Variants in VENTX observed in about 807,000 individuals in gnomAD.
VENTX encodes VENT homeobox.
VENTX carries 13 observed loss-of-function variants against 10.5 expected under a neutral mutation model. The observed-to-expected ratio is 1.23, with a 90% CI of 0.80 to 1.96. The LOEUF (loss-of-function observed/expected upper bound fraction) is 1.96, where lower values mean the gene tolerates loss of function less well. Ranked by LOEUF, VENTX falls within the 30% of genes most tolerant of loss-of-function variation. The pLI, the probability that VENTX is intolerant of heterozygous loss-of-function variation, is 0.00. For synonymous variants in VENTX, 177 were observed against 150.4 expected (o/e 1.18, Z -1.29); for missense variants, 400 against 341.8 (o/e 1.17, Z -1.34).
rs748097323 is a variant in VENTX at position 133,238,061 on chromosome 10, C to T, written c.147C>T (p.Gly49=). 3.8e-5 allele frequency: 60 copies of T among 1,597,646 alleles called. No homozygotes were observed. The East Asian group carries it at 1.3e-3, about 35-fold the overall frequency. The part of the protein sequence containing the change: ...DFSLGSLPGP[G]QTSGAREPPQ... ...CCCTGGGGAGCCTCCCTGGCCCAGG[C>T]CAGACATCCGGCGCCCGGGAGCCCC... Residue 49 remains glycine (G), a synonymous_variant, in exon 1 of 3, where the codon GGC becomes GGT. Coordinates refer to ENST00000325980, the MANE Select transcript of VENTX (RefSeq NM_014468.4).
rs1365361377 is a variant in VENTX, at chr10:133,240,091, C to T, written c.562C>T (p.Pro188Ser). 1.2e-6 allele frequency: 2 copies of T among 1,611,142 alleles called. No individual in the cohort carries two copies. Among genetic ancestry groups the T allele is most frequent in the Admixed American group, 1.7e-5 (1 of 59,996 alleles). ...CCTGCAGCTGCTGTGCCCTTGGGCA[C>T]CCCTGTCCGGGCCCCAGGCTCTGAT... ...NGLQLLCPWA[P>S]LSGPQALMLP... The change falls in exon 3 of 3, where the codon CCC becomes TCC. Residue 188 changes from proline (P) to serine (S), a missense_variant. Transcript: ENST00000325980.
At position 133,238,172 on chromosome 10, in the gene VENTX, G is replaced by T. The variant is rs1241104871; in HGVS notation, c.241+17G>T. 2 of 1,574,120 alleles carry T rather than the reference G, an allele frequency of 1.3e-6. No individual in the cohort carries two copies. The highest frequency in any genetic ancestry group is 8.6e-7 in the Non-Finnish European group (1 of 1,158,592). On this transcript the variant is annotated intron_variant, in intron 1 of 2. Transcript: ENST00000325980. Reference sequence around the variant, plus strand: ...CCATGGCCGGTAGGTCCGGGTGGGGGGGGTCCCTTCCTTCCCAGGTGGAGA... The same window carrying T: ...CCATGGCCGGTAGGTCCGGGTGGGGTGGGTCCCTTCCTTCCCAGGTGGAGA...
Position 133,240,450 on chromosome 10 carries a change from A to G in VENTX, c.*144A>G, listed in dbSNP as rs1025115932. The G allele has an allele frequency of 7.2e-6, 5 of 691,514 alleles. No individual in the cohort carries two copies. In the African/African-American group the frequency reaches 7.5e-5, roughly 10 times the overall value. 42.8% of individuals were successfully genotyped at this position (691,514 alleles called of 1,614,324 possible). On this transcript the variant is annotated 3_prime_UTR_variant, in exon 3 of 3. Coordinates refer to ENST00000325980, the MANE Select transcript of VENTX (RefSeq NM_014468.4). ...TTCTGGAGATTACTGGAGAATATAT[A>G]TAAATATATATATGTACGTATATAT...
At chr10:133,238,846 C>T (rs886413573) in intron 1 of VENTX, among the ~76,000 whole-genome samples, 2 of 152,178 alleles carry the variant, frequency 1.3e-5, no homozygotes, top group African/African-American at 4.8e-5. Context: ...AAAAATTTGA[C>T]TGATCCTTAT....
At chr10:133,239,894 C>G (rs1458935764) in intron 2 of VENTX, 38 bp from the exon 3 acceptor site, 8 of 1,608,070 alleles carry the variant, frequency 5.0e-6, no homozygotes, top group Non-Finnish European at 6.8e-6. Flanking sequence ...GGCTGGTGGC[C>G]TAGTCTCACC....
chr10:133,238,372 C>T (rs1287729432), intron 1 of VENTX, among the ~76,000 whole-genome samples: 2 of 152,214 alleles, frequency 1.3e-5, no homozygotes, highest in African/African-American at 2.4e-5. Context: ...CTCCTTGAGC[C>T]CCCGGTGGGC....
At chr10:133,239,595 T>C in intron 1 of VENTX, 81 bp from the exon 2 acceptor site, 8 of 1,530,106 alleles carry the variant, frequency 5.2e-6, no homozygotes, top group Non-Finnish European at 7.1e-6. Context: ...CCAGCATGGC[T>C]GTCTTCACCT....
In VENTX at chr10:133,240,020, A is replaced by C. The variant is rs1295756748; in HGVS notation, c.491A>C (p.His164Pro). The change falls in exon 3 of 3, where the codon CAT becomes CCT. Residue 164 changes from histidine (H) to proline (P), a missense_variant. Coordinates refer to ENST00000325980, the MANE Select transcript of VENTX (RefSeq NM_014468.4). ...CACAGCCCCTTCTCGGGGTCTCTCC[A>C]TGCGCCCCCAGCTTTCTACTCAACG... The part of the protein sequence containing the change: ...QLHSPFSGSL[H>P]APPAFYSTSS... 1.9e-6 allele frequency: 3 copies of C among 1,612,048 alleles called. No individual in the cohort carries two copies. The highest frequency in any genetic ancestry group is 2.5e-6 in the Non-Finnish European group (3 of 1,180,006).
In VENTX at chr10:133,240,169, G is replaced by T; in HGVS notation, c.640G>T (p.Ala214Ser). The change falls in exon 3 of 3, where the codon GCA becomes TCA. Residue 214 changes from alanine to serine, a missense_variant. Ala to Ser is a moderately conservative substitution (Grantham distance 99). Coordinates refer to ENST00000325980, the MANE Select transcript of VENTX (RefSeq NM_014468.4). ...GLCQVAQEALASAGASCCGQP... is the reference protein window; with the variant it reads ...GLCQVAQEALSSAGASCCGQP... ...CTGCCAAGTGGCACAAGAGGCCCTG[G>T]CATCTGCGGGAGCTTCCTGCTGCGG... 2.5e-6 allele frequency: 4 copies of T among 1,609,304 alleles called. No individual in the cohort carries two copies. Among genetic ancestry groups the T allele is most frequent in the Non-Finnish European group, 1.7e-6 (2 of 1,179,828 alleles).
chr10:133,238,131 C>T lies in VENTX; in HGVS notation c.217C>T (p.Pro73Ser), dbSNP rs753459910. Reference sequence around the variant, plus strand: ...GGAGGCCGCCGGGTCCTCAAATCTGCCTGCGCCGGAGAGGACCATGGCCGG... The same window carrying T: ...GGAGGCCGCCGGGTCCTCAAATCTGTCTGCGCCGGAGAGGACCATGGCCGG... ...IKEAAGSSNL[P>S]APERTMAGLS... Residue 73 changes from proline (P) to serine (S), a missense_variant, in exon 1 of 3, where the codon CCT becomes TCT. Pro to Ser is a moderately conservative substitution (Grantham distance 74). Coordinates refer to ENST00000325980, the MANE Select transcript of VENTX (RefSeq NM_014468.4). 6.2e-7 allele frequency: 1 copy of T among 1,604,324 alleles called. No individual in the cohort carries two copies. Among genetic ancestry groups the T allele is most frequent in the Non-Finnish European group, 8.5e-7 (1 of 1,176,596 alleles).
intron 1 of VENTX, among the ~76,000 whole-genome samples, chr10:133,239,316 G>C (rs1845895076): frequency 6.6e-6 from 1 of 152,212 alleles, no homozygotes; most frequent in Non-Finnish European, 1.5e-5. Flanking sequence ...GGGTGCCCCT[G>C]GGTGGGTCGC....
In VENTX at chr10:133,238,039, T is replaced by C. The variant is rs2240892; in HGVS notation, c.125T>C (p.Leu42Pro). ...ACCCCCAGGCCTGCCGACTTCTCCC[T>C]GGGGAGCCTCCCTGGCCCAGGCCAG... ...THTPRPADFSLGSLPGPGQTS... is the reference protein window; with the variant it reads ...THTPRPADFSPGSLPGPGQTS... Residue 42 changes from leucine (L) to proline (P), a missense_variant, in exon 1 of 3, where the codon CTG becomes CCG. By Grantham distance (98) the Leu-to-Pro change is moderately conservative. Transcript: ENST00000325980. 0.14 allele frequency: 216,824 copies of C among 1,599,134 alleles called. 17,184 individuals carry two copies. The highest frequency in any genetic ancestry group is 0.35 in the East Asian group (15,352 of 44,356).
intron 1 of VENTX, among the ~76,000 whole-genome samples, chr10:133,238,601 C>G (rs1485989971): frequency 6.6e-6 from 1 of 152,122 alleles, no homozygotes; most frequent in Non-Finnish European, 1.5e-5. Context: ...TCCGGGTCAC[C>G]TGGAGCACAG....
At position 133,241,286 on chromosome 10, in the gene VENTX, G is replaced by A. The variant is rs1197880141; in HGVS notation, c.*980G>A. On this transcript the variant is annotated 3_prime_UTR_variant, in exon 3 of 3. Transcript: ENST00000325980. ...GGAAAGCAGGGCAGCCGGGACCTGCGGCTGTGCCTGGACTGAAGCTGTCCC... is the reference window on the plus strand; with the variant it reads ...GGAAAGCAGGGCAGCCGGGACCTGCAGCTGTGCCTGGACTGAAGCTGTCCC... 1.3e-5 allele frequency: 2 copies of A among 153,580 alleles called. No individual in the cohort carries two copies. The highest frequency in any genetic ancestry group is 4.8e-5 in the African/African-American group (2 of 41,494). The allele number at this position is 153,580 out of a possible 1,614,324, so 9.5% of individuals were successfully genotyped here.
In VENTX at chr10:133,239,777, T is replaced by C; in HGVS notation, c.343T>C (p.Tyr115His). The change falls in exon 2 of 3, where the codon TAC (tyrosine) becomes CAC (histidine). Residue 115 changes from tyrosine (Y) to histidine (H), a missense_variant. By Grantham distance (83) the Tyr-to-His change is moderately conservative. Transcript: ENST00000325980. ...TLEGVFQHHQ[Y>H]LSPLERKRLA... ...GGAGGGCGTCTTCCAGCACCACCAG[T>C]ACCTGAGCCCTCTGGAGCGGAAGAG... 1 of 1,610,540 alleles carries C rather than the reference T, an allele frequency of 6.2e-7. No homozygotes were observed. Among genetic ancestry groups the C allele is most frequent in the Non-Finnish European group, 8.5e-7 (1 of 1,179,746 alleles).
In VENTX at chr10:133,238,046, C is replaced by T; in HGVS notation, c.132C>T (p.Ser44=). The T allele has an allele frequency of 8.1e-6, 13 of 1,599,566 alleles. No homozygotes were observed. The highest frequency in any genetic ancestry group is 1.1e-5 in the Non-Finnish European group (13 of 1,175,110). Residue 44 remains serine, a synonymous_variant, in exon 1 of 3, where the codon AGC becomes AGT. Transcript: ENST00000325980. ...GGCCTGCCGACTTCTCCCTGGGGAG[C>T]CTCCCTGGCCCAGGCCAGACATCCG... is the stretch of plus-strand genomic sequence containing the variant. ...TPRPADFSLG[S]LPGPGQTSGA...
Position 133,240,224 on chromosome 10 carries a change from C to T in VENTX, c.695C>T (p.Pro232Leu), listed in dbSNP as rs1845914031. The change falls in exon 3 of 3, where the codon CCA (proline) becomes CTA (leucine). Residue 232 changes from proline to leucine, a missense_variant. Pro to Leu is a moderately conservative substitution (Grantham distance 98, BLOSUM62 -3). Coordinates refer to ENST00000325980, the MANE Select transcript of VENTX (RefSeq NM_014468.4). ...GQPLASHPPT[P>L]GRPSLGPALS... ...CCTCTGGCGTCCCACCCCCCTACCC[C>T]AGGCCGGCCTTCGCTGGGACCAGCC... 6.2e-7 allele frequency: 1 copy of T among 1,611,340 alleles called. No individual in the cohort carries two copies. The highest frequency in any genetic ancestry group is 1.3e-5 in the African/African-American group (1 of 74,918).
In VENTX at chr10:133,239,916, C is replaced by T. The variant is rs1251342493; in HGVS notation, c.403-16C>T. On this transcript the variant is annotated splice_polypyrimidine_tract_variant and intron_variant, in intron 2 of 2. Coordinates refer to ENST00000325980, the MANE Select transcript of VENTX (RefSeq NM_014468.4). ...GGCCTAGTCTCACCCCTGTTCTGAT[C>T]TTGCTTTTCCTACAGATAAAAACCT... 6.2e-7 allele frequency: 1 copy of T among 1,610,366 alleles called. No homozygotes were observed. Among genetic ancestry groups the T allele is most frequent in the East Asian group, 2.2e-5 (1 of 44,872 alleles).
chr10:133,238,057 C>T lies in VENTX; in HGVS notation c.143C>T (p.Pro48Leu), dbSNP rs1190503741. 1.9e-6 allele frequency: 3 copies of T among 1,599,374 alleles called. No homozygotes were observed. The highest frequency in any genetic ancestry group is 8.5e-7 in the Non-Finnish European group (1 of 1,174,812). The change falls in exon 1 of 3, where the codon CCA becomes CTA. Residue 48 changes from proline (P) to leucine (L), a missense_variant. Physicochemically the swap from Pro to Leu is moderately conservative, Grantham distance 98. Transcript: ENST00000325980. ...TTCTCCCTGGGGAGCCTCCCTGGCC[C>T]AGGCCAGACATCCGGCGCCCGGGAG... The part of the protein sequence containing the change: ...ADFSLGSLPG[P>L]GQTSGAREPP...
Sources: gnomAD v4.1 joint callset for allele counts (sites outside exome capture counted in the v4.1 genomes callset) on GRCh38, gnomAD v4.1.1 for gene constraint, MANE v1.5 for transcripts, NCBI Gene and HGNC (gene_info 2026-07-23, HGNC 2026-07-21) for gene names.